ZNF184: variants seen among roughly 807,000 people sequenced by gnomAD.
The protein encoded by ZNF184 is zinc finger protein 184 (Kruppel-like).
Under a neutral mutation model 54.4 loss-of-function variants are expected in ZNF184, and 16 were observed. The observed-to-expected ratio is 0.29, with a 90% CI of 0.20 to 0.45. The LOEUF (loss-of-function observed/expected upper bound fraction) is 0.45. Among genes scored for constraint, ZNF184 ranks in the 20% least tolerant of loss-of-function variants. ZNF184 has a pLI of 1.00. For missense variants in ZNF184, 681 were observed against 888.2 expected (o/e 0.77, Z 2.97); for synonymous variants, 254 against 295.3 (o/e 0.86, Z 1.43).
At position 27,461,607 on chromosome 6, in the gene ZNF184, A is replaced by C. The variant is rs143440806; in HGVS notation, c.76-4198T>G. 4.5e-4 allele frequency among the ~76,000 whole-genome samples: 69 copies of C among 152,374 alleles called. 1 individual carries two copies. The highest frequency in any genetic ancestry group is 1.6e-3 in the African/African-American group (65 of 41,586). On this transcript the variant is annotated intron_variant, in intron 3 of 5. Coordinates refer to ENST00000683788, the MANE Select transcript of ZNF184 (RefSeq NM_001318891.2). ...CAATACATTCCAGACAAAATGAAAC[A>C]AAAGTCTCCATCACACTGAACCTCA...
At chr6:27,416,446 C>G in the ZNF184 span, among the ~76,000 whole-genome samples, 1 of 152,172 alleles carries the variant, frequency 6.6e-6, no homozygotes, top group Non-Finnish European at 1.5e-5. Context: ...TTTGGCTCAT[C>G]ATGCTTCCTA....
At chr6:27,448,157 A>T (rs565723130), downstream of ZNF184, among the ~76,000 whole-genome samples, 3 of 152,222 alleles carry the variant, frequency 2.0e-5, no homozygotes, top group Non-Finnish European at 2.9e-5. Context: ...AACCTACTGC[A>T]TACTTGGTAT....
chr6:27,445,377 T>C, the ZNF184 span, among the ~76,000 whole-genome samples: 794 of 152,350 alleles, frequency 5.2e-3, 6 homozygotes, highest in African/African-American at 0.017. Context: ...GTGGTTTGAA[T>C]GTCTCCTCCA....
At chr6:27,450,440 G>A (rs1007778046), downstream of ZNF184, among the ~76,000 whole-genome samples, 1 of 152,052 alleles carries the variant, frequency 6.6e-6, no homozygotes, top group African/African-American at 2.4e-5. Flanking sequence ...GATATGAGAG[G>A]TTGCTCTGTC....
At chr6:27,417,709 A>T in the ZNF184 span, among the ~76,000 whole-genome samples, 4 of 152,220 alleles carry the variant, frequency 2.6e-5, no homozygotes, top group East Asian at 7.7e-4. Flanking sequence ...TCTAAGCAGG[A>T]CAACTTCCTC....
the ZNF184 span, among the ~76,000 whole-genome samples, chr6:27,444,500 T>C: frequency 1.5e-3 from 221 of 152,316 alleles, 1 homozygote; most frequent in Non-Finnish European, 3.0e-3. Flanking sequence ...CTCAACTCCA[T>C]GTCCTCTTCT....
chr6:27,433,648 T>C, the ZNF184 span, among the ~76,000 whole-genome samples: 1 of 152,282 alleles, frequency 6.6e-6, no homozygotes, highest in African/African-American at 2.4e-5. Flanking sequence ...GGTTCATTCA[T>C]GTTGTAACAT....
the ZNF184 span, chr6:27,404,155 A>C: frequency 6.6e-5 from 10 of 152,334 alleles, no homozygotes; most frequent in East Asian, 7.7e-4. Context: ...GATAACCTAC[A>C]CAGGCAGTCA....
At chr6:27,459,081 G>A (rs964937461) in intron 3 of ZNF184, among the ~76,000 whole-genome samples, 1 of 152,166 alleles carries the variant, frequency 6.6e-6, no homozygotes, top group Non-Finnish European at 1.5e-5. Context: ...GGCTGGGAAG[G>A]GTAGAGGAGG....
At chr6:27,423,541 C>G in the ZNF184 span, among the ~76,000 whole-genome samples, 1 of 151,686 alleles carries the variant, frequency 6.6e-6, no homozygotes, top group Non-Finnish European at 1.5e-5. Flanking sequence ...CGGCTTGATC[C>G]TTCCCCCAAC....
At chr6:27,459,950 C>A (rs952372855) in intron 3 of ZNF184, among the ~76,000 whole-genome samples, 5 of 152,106 alleles carry the variant, frequency 3.3e-5, no homozygotes, top group African/African-American at 1.2e-4. Flanking sequence ...ACTGCTTGAG[C>A]CCAAGAGTTC....
At chr6:27,471,680 G>T (rs1226266379) in intron 2 of ZNF184, among the ~76,000 whole-genome samples, 3 of 151,964 alleles carry the variant, frequency 2.0e-5, no homozygotes, top group Non-Finnish European at 4.4e-5. Flanking sequence ...GCTTAGAAAA[G>T]AATTTATGAG....
At chr6:27,470,860 C>G (rs542780358) in intron 2 of ZNF184, among the ~76,000 whole-genome samples, 1 of 151,938 alleles carries the variant, frequency 6.6e-6, no homozygotes, top group Admixed American at 6.6e-5. Flanking sequence ...AATACAAAGG[C>G]TTTTAATGAA....
intron 2 of ZNF184, among the ~76,000 whole-genome samples, chr6:27,468,664 A>G (rs149918265): frequency 6.2e-4 from 95 of 152,358 alleles, no homozygotes; most frequent in African/African-American, 2.2e-3. Context: ...TGGTATTTTC[A>G]TACAATGGAT....
the ZNF184 span, among the ~76,000 whole-genome samples, chr6:27,412,638 G>A: frequency 6.6e-6 from 1 of 152,306 alleles, no homozygotes; most frequent in South Asian, 2.1e-4. Flanking sequence ...CATGGCCTGT[G>A]ACACAGCCCC....
At chr6:27,464,163 A>C (rs1408732852) in intron 3 of ZNF184, among the ~76,000 whole-genome samples, 4 of 152,242 alleles carry the variant, frequency 2.6e-5, no homozygotes, top group African/African-American at 9.6e-5. Flanking sequence ...ACGATTGTGA[A>C]CTACTGATTT....
chr6:27,440,976 G>C, the ZNF184 span, among the ~76,000 whole-genome samples: 1 of 152,078 alleles, frequency 6.6e-6, no homozygotes, highest in East Asian at 1.9e-4. Context: ...CTGCACTCCA[G>C]CCTGGGCGAC....
At chr6:27,433,979 T>TTCCTTCCTTCCTCTCCCTCCCG in the ZNF184 span, among the ~76,000 whole-genome samples, 1 of 146,984 alleles carries the variant, frequency 6.8e-6, no homozygotes. Flanking sequence ...CCTCCCTTCC[T>TTCCTTCCTTCCTCTCCCTCCCG]TCCTTCCTTC....
At chr6:27,445,578 T>C in the ZNF184 span, among the ~76,000 whole-genome samples, 1 of 152,218 alleles carries the variant, frequency 6.6e-6, no homozygotes, top group Non-Finnish European at 1.5e-5. Flanking sequence ...TGCCACATGA[T>C]GCCTTCTGCC....
Sources: allele counts gnomAD v4.1 joint callset (sites outside exome capture counted in the v4.1 genomes callset), GRCh38; gene constraint gnomAD v4.1.1; transcripts MANE v1.5; gene names NCBI Gene and HGNC (gene_info 2026-07-23, HGNC 2026-07-21).